Variants in ERC2 observed in about 807,000 individuals in gnomAD.
ERC2 encodes the protein ELKS/RAB6-interacting/CAST family member 2, also known as ERC protein 2.
Under a neutral mutation model 114.8 loss-of-function variants are expected in ERC2, and 42 were observed. The observed-to-expected ratio is 0.37, with a 90% CI of 0.29 to 0.47. The LOEUF (loss-of-function observed/expected upper bound fraction) is 0.47. Ranked by LOEUF, ERC2 falls within the 20% of genes least tolerant of loss-of-function variation. The pLI, the probability that ERC2 is intolerant of heterozygous loss-of-function variation, is 0.99. For synonymous variants in ERC2, 454 were observed against 425.5 expected, an observed-to-expected ratio of 1.07 and a Z score of -0.82; for missense variants, 939 against 1,150.7, an observed-to-expected ratio of 0.82 and a Z score of 2.66.
intron 14 of ERC2, among the ~76,000 whole-genome samples, chr3:55,761,670 C>G (rs570090737): frequency 6.6e-6 from 1 of 152,142 alleles, no homozygotes; most frequent in African/African-American, 2.4e-5. Flanking sequence ...CAGGGAGGGA[C>G]CTGGTGAGGG....
At chr3:55,725,959 T>C (rs2064887502) in intron 15 of ERC2, among the ~76,000 whole-genome samples, 1 of 152,204 alleles carries the variant, frequency 6.6e-6, no homozygotes, top group Admixed American at 6.5e-5. Flanking sequence ...ACCCAATTGC[T>C]TGGACATTAA....
intron 3 of ERC2, among the ~76,000 whole-genome samples, chr3:56,277,917 T>C (rs1224510102): frequency 6.6e-6 from 1 of 152,016 alleles, no homozygotes; most frequent in Non-Finnish European, 1.5e-5. Context: ...GGAGGCAGAG[T>C]AGCCCGAGGA....
At chr3:55,599,725 C>T (rs1314703744) in intron 17 of ERC2, among the ~76,000 whole-genome samples, 1 of 152,192 alleles carries the variant, frequency 6.6e-6, no homozygotes, top group East Asian at 1.9e-4. Context: ...AATATTCATG[C>T]TCAATATGTG....
intron 7 of ERC2, among the ~76,000 whole-genome samples, chr3:56,056,306 C>A (rs1201784292): frequency 6.6e-6 from 1 of 152,212 alleles, no homozygotes; most frequent in African/African-American, 2.4e-5. Context: ...CATGAAATGT[C>A]ATTTGGTCTT....
intron 17 of ERC2, among the ~76,000 whole-genome samples, chr3:55,653,512 A>G (rs1468834737): frequency 6.6e-6 from 1 of 152,070 alleles, no homozygotes; most frequent in African/African-American, 2.4e-5. Flanking sequence ...CACAAAGTGC[A>G]AAAGAGGGAG....
chr3:55,829,322 G>T (rs762350479), intron 14 of ERC2, among the ~76,000 whole-genome samples: 9 of 152,040 alleles, frequency 5.9e-5, no homozygotes, highest in African/African-American at 2.2e-4. Flanking sequence ...TGGAAAGATC[G>T]ATCTCAGAAG....
intron 3 of ERC2, among the ~76,000 whole-genome samples, chr3:56,188,270 TC>T (rs1419555173): frequency 1.3e-5 from 2 of 152,110 alleles, no homozygotes; most frequent in South Asian, 2.1e-4. Flanking sequence ...CAAACATCAT[TC>T]CACATTCCTG....
At chr3:56,019,743 C>T (rs2073569160) in intron 7 of ERC2, among the ~76,000 whole-genome samples, 1 of 152,160 alleles carries the variant, frequency 6.6e-6, no homozygotes, top group Admixed American at 6.6e-5. Flanking sequence ...AATGCCTGTC[C>T]AGGAGCAGCA....
chr3:55,825,483 T>C (rs2060289360), intron 14 of ERC2, among the ~76,000 whole-genome samples: 1 of 152,234 alleles, frequency 6.6e-6, no homozygotes, highest in South Asian at 2.1e-4. Flanking sequence ...TGTGCATATG[T>C]TTGTATATCT....
chr3:55,951,853 T>C (rs925277555), intron 12 of ERC2, among the ~76,000 whole-genome samples: 1 of 151,892 alleles, frequency 6.6e-6, no homozygotes, highest in Non-Finnish European at 1.5e-5. Context: ...ACAATTAAAA[T>C]CAAATGAAAA....
At chr3:56,433,941 A>T (rs1386964442) in intron 2 of ERC2, 1 of 177,348 alleles carries the variant, frequency 5.6e-6, no homozygotes, top group Non-Finnish European at 1.2e-5. Context: ...TCAATTCACC[A>T]GTCAAATGTG....
intron 6 of ERC2, among the ~76,000 whole-genome samples, chr3:56,115,214 G>T (rs890165955): frequency 2.6e-5 from 4 of 152,108 alleles, no homozygotes; most frequent in Non-Finnish European, 5.9e-5. Flanking sequence ...TGATGAATTG[G>T]CTCTATATGG....
intron 14 of ERC2, among the ~76,000 whole-genome samples, chr3:55,873,028 G>A (rs988516071): frequency 6.6e-6 from 1 of 152,118 alleles, no homozygotes. Flanking sequence ...AATGAGCAGA[G>A]GCCAGGAATG....
At chr3:56,215,064 C>G (rs1403037479) in intron 3 of ERC2, among the ~76,000 whole-genome samples, 1 of 152,148 alleles carries the variant, frequency 6.6e-6, no homozygotes, top group African/African-American at 2.4e-5. Flanking sequence ...ACCATCGAGG[C>G]TAGGAAGAAA....
chr3:56,295,953 A>G, intron 3 of ERC2, 66 bp downstream of exon 3: 1 of 1,472,696 alleles, frequency 6.8e-7, no homozygotes, highest in Non-Finnish European at 9.1e-7. Context: ...AACCTGTGAA[A>G]ATAACTTGAT....
intron 14 of ERC2, among the ~76,000 whole-genome samples, chr3:55,759,134 C>A (rs1257292669): frequency 6.6e-6 from 1 of 152,168 alleles, no homozygotes; most frequent in Non-Finnish European, 1.5e-5. Flanking sequence ...GTTTACCTAT[C>A]TGTAAAATTC....
chr3:55,636,840 A>G lies in ERC2; in HGVS notation c.*39+46954T>C, dbSNP rs1446629435. Among the ~76,000 whole-genome samples, 5 of 152,326 alleles carry G rather than the reference A, an allele frequency of 3.3e-5. No homozygotes were observed. The East Asian group carries it at 9.7e-4, about 29-fold the overall frequency. On this transcript the variant is annotated intron_variant, in intron 17 of 17. Coordinates refer to ENST00000288221, the MANE Select transcript of ERC2 (RefSeq NM_015576.3). The stretch of plus-strand genomic sequence containing the variant: ...GTTCTAAAGGCCTACCTTGCTAATG[A>G]CAAACCAGACCTGATTTGCAAAATA...
At chr3:56,111,859 G>A (rs1477472339) in intron 6 of ERC2, among the ~76,000 whole-genome samples, 3 of 152,138 alleles carry the variant, frequency 2.0e-5, no homozygotes, top group Non-Finnish European at 4.4e-5. Flanking sequence ...TTGCTGAACT[G>A]TTTAACTTAC....
chr3:56,073,623 T>C (rs1021029031), intron 7 of ERC2, among the ~76,000 whole-genome samples: 43 of 152,202 alleles, frequency 2.8e-4, no homozygotes, highest in Admixed American at 2.3e-3. Flanking sequence ...GTCAGACCTA[T>C]GTGAACAGCT....
Sources: allele counts gnomAD v4.1 joint callset (sites outside exome capture counted in the v4.1 genomes callset), GRCh38; gene constraint gnomAD v4.1.1; transcripts MANE v1.5; gene names NCBI Gene and HGNC (gene_info 2026-07-23, HGNC 2026-07-21).